The following TNR variants were observed in gnomAD, a reference collection of about 807,000 sequenced individuals.
TNR encodes tenascin R, also known as tenascin-R.
TNR carries 45 observed loss-of-function variants against 150.4 expected under a neutral mutation model. That is an observed-to-expected ratio of 0.30 (90% confidence interval 0.24 to 0.38). The LOEUF is 0.38. Ranked by LOEUF, TNR falls within the 10% of genes least tolerant of loss-of-function variation. The pLI is 1.00. For missense variants in TNR, 1,544 were observed against 1,759.1 expected, an observed-to-expected ratio of 0.88 and a Z score of 2.19; for synonymous variants, 687 against 678.4, an observed-to-expected ratio of 1.01 and a Z score of -0.20.
chr1:175,550,960 A>G (rs1015936512), intron 1 of TNR, among the ~76,000 whole-genome samples: 1 of 152,186 alleles, frequency 6.6e-6, no homozygotes, highest in Non-Finnish European at 1.5e-5. Context: ...TCTCCCAGAA[A>G]ATAGCACACA....
At chr1:175,393,983 C>G (rs1000447254) in intron 5 of TNR, 88 bp from the exon 6 acceptor site, 2 of 1,050,012 alleles carry the variant, frequency 1.9e-6, no homozygotes, top group Non-Finnish European at 3.0e-6. Context: ...TGAACTCCCT[C>G]CACGCCATGG....
intron 4 of TNR, among the ~76,000 whole-genome samples, chr1:175,402,671 C>T (rs1444766040): frequency 1.3e-5 from 2 of 152,200 alleles, no homozygotes; most frequent in East Asian, 1.9e-4. Flanking sequence ...GAGAGCCTCA[C>T]AGACCAACCA....
At chr1:175,653,942 A>G (rs777953871) in intron 1 of TNR, among the ~76,000 whole-genome samples, 14 of 152,156 alleles carry the variant, frequency 9.2e-5, no homozygotes, top group Non-Finnish European at 1.6e-4. Context: ...TGCTTGTGTA[A>G]GTACCATTTA....
At position 175,324,389 on chromosome 1, in the gene TNR, G is replaced by A. The variant is rs1395414052; in HGVS notation, c.3924C>T (p.Leu1308=). The A allele has an allele frequency of 6.2e-7, 1 of 1,614,050 alleles. No individual in the cohort carries two copies. Among genetic ancestry groups the A allele is most frequent in the South Asian group, 1.1e-5 (1 of 91,068 alleles). The part of the protein sequence containing the change: ...WWYKNCHRTN[L]NGKYGESRHS... ...GCCTGGACTCCCCGTACTTCCCATT[G>A]AGGTTGGTCCGGTGGCAGTTCTTAT... Residue 1308 remains leucine, a synonymous_variant, in exon 22 of 23, where the codon CTC becomes CTT. Coordinates refer to ENST00000367674, the MANE Select transcript of TNR (RefSeq NM_003285.3).
intron 18 of TNR, among the ~76,000 whole-genome samples, chr1:175,345,633 T>C (rs1231004396): frequency 6.6e-6 from 1 of 152,060 alleles, no homozygotes; most frequent in Non-Finnish European, 1.5e-5. Context: ...AAGAACTCTT[T>C]GAGAACATAA....
At position 175,736,888 on chromosome 1, in the gene TNR, G is replaced by A. The variant is rs1168181467; in HGVS notation, c.-165+6338C>T. Among the ~76,000 whole-genome samples, 5 of 152,228 alleles carry A rather than the reference G, an allele frequency of 3.3e-5. No homozygotes were observed. In the East Asian group the frequency reaches 7.7e-4, roughly 24 times the overall value. On this transcript the variant is annotated intron_variant, in intron 1 of 22. Transcript: ENST00000367674. ...ATCAAAAAATTAGCTGGGCATGTAGGTACATGCCTGTAGTCCCAGATCCTC... is the reference window on the plus strand; with the variant it reads ...ATCAAAAAATTAGCTGGGCATGTAGATACATGCCTGTAGTCCCAGATCCTC...
chr1:175,507,997 A>G (rs1282728395), intron 2 of TNR, among the ~76,000 whole-genome samples: 1 of 152,202 alleles, frequency 6.6e-6, no homozygotes, highest in East Asian at 1.9e-4. Context: ...TTTTAAAAAG[A>G]CTGTATCCAG....
At chr1:175,722,141 C>T (rs1667322919) in intron 1 of TNR, among the ~76,000 whole-genome samples, 1 of 152,102 alleles carries the variant, frequency 6.6e-6, no homozygotes, top group Non-Finnish European at 1.5e-5. Context: ...CGGCAGCTCC[C>T]ATTGCCACCC....
intron 1 of TNR, among the ~76,000 whole-genome samples, chr1:175,675,129 G>T (rs1665820488): frequency 6.6e-6 from 1 of 152,230 alleles, no homozygotes; most frequent in Admixed American, 6.5e-5. Flanking sequence ...CAAAATGTTG[G>T]CAAGTTGCAG....
chr1:175,661,063 A>G (rs549390653), intron 1 of TNR, among the ~76,000 whole-genome samples: 1 of 152,320 alleles, frequency 6.6e-6, no homozygotes, highest in South Asian at 2.1e-4. Flanking sequence ...GGTGCCCCCA[A>G]GTAATGTTCC....
intron 1 of TNR, among the ~76,000 whole-genome samples, chr1:175,683,445 G>T (rs1666100893): frequency 6.6e-6 from 1 of 152,206 alleles, no homozygotes; most frequent in African/African-American, 2.4e-5. Flanking sequence ...CTCAAGGAGT[G>T]ATTCCACCAC....
chr1:175,606,040 C>T (rs868106432), intron 1 of TNR, among the ~76,000 whole-genome samples: 21 of 152,344 alleles, frequency 1.4e-4, no homozygotes, highest in African/African-American at 4.8e-4. Flanking sequence ...CTCTTTCCTT[C>T]ATCCACTCTT....
At chr1:175,552,729 C>T (rs1289807636) in intron 1 of TNR, among the ~76,000 whole-genome samples, 2 of 152,142 alleles carry the variant, frequency 1.3e-5, no homozygotes, top group Non-Finnish European at 2.9e-5. Flanking sequence ...CTTTATCTCC[C>T]CTGTCTGTCC....
At chr1:175,499,148 TA>T (rs1382047156) in intron 2 of TNR, among the ~76,000 whole-genome samples, 2 of 152,248 alleles carry the variant, frequency 1.3e-5, no homozygotes, top group Non-Finnish European at 2.9e-5. Context: ...TTTTTGTTTT[TA>T]TTGTCAGCTC....
At chr1:175,337,877 T>A (rs1406668611) in intron 18 of TNR, among the ~76,000 whole-genome samples, 198 bp from the exon 19 acceptor site, 1 of 152,182 alleles carries the variant, frequency 6.6e-6, no homozygotes, top group South Asian at 2.1e-4. Context: ...GTTAGACTTA[T>A]CAGACAACAT....
chr1:175,406,512 A>T lies in TNR; in HGVS notation c.203T>A (p.Val68Glu). The T allele has an allele frequency of 6.2e-7, 1 of 1,614,186 alleles. No homozygotes were observed. Among genetic ancestry groups the T allele is most frequent in the African/African-American group, 1.3e-5 (1 of 75,044 alleles). ...SKEQPVVFNH[V>E]YNINVPLDNL... is the part of the protein sequence containing the mutation. The stretch of plus-strand genomic sequence containing the variant: ...GTCCAAGGGCACGTTAATGTTGTAC[A>T]CGTGGTTGAAGACCACAGGCTGCTC... The change falls in exon 3 of 23, where the codon GTG becomes GAG. Residue 68 changes from valine to glutamate, a missense_variant. Physicochemically the swap from Val to Glu is moderately radical, Grantham distance 121. This residue lies in a region of TNR where 1,254 missense variants were observed against 1,329.4 expected (regional missense o/e 0.94). Transcript: ENST00000367674.
intron 1 of TNR, chr1:175,538,652 G>A (rs932981639): frequency 2.0e-5 from 3 of 152,148 alleles, no homozygotes; most frequent in Non-Finnish European, 2.9e-5. Context: ...TGCTGGAGGT[G>A]GACTTCCACC....
intron 1 of TNR, among the ~76,000 whole-genome samples, chr1:175,637,666 C>A (rs906413278): frequency 3.9e-5 from 6 of 152,154 alleles, no homozygotes; most frequent in Non-Finnish European, 8.8e-5. Context: ...CCAAAATAAT[C>A]CAGGTATCAG....
chr1:175,652,960 A>G (rs1665045070), intron 1 of TNR, among the ~76,000 whole-genome samples: 1 of 152,210 alleles, frequency 6.6e-6, no homozygotes, highest in Non-Finnish European at 1.5e-5. Context: ...TTAATTTGGG[A>G]AAAAGTGCCA....
Sources: gnomAD v4.1 joint callset for allele counts (sites outside exome capture counted in the v4.1 genomes callset) on GRCh38, gnomAD v4.1.1 for gene constraint, gnomAD v4.1.1 regional missense constraint, MANE v1.5 for transcripts, NCBI Gene and HGNC (gene_info 2026-07-23, HGNC 2026-07-21) for gene names.